The following CHD1 variants were observed in gnomAD, a reference collection of about 807,000 sequenced individuals.
CHD1 encodes the protein chromodomain helicase DNA binding protein 1, also known as ATP-dependent chromatin remodeler CHD1.
In CHD1, 36 loss-of-function variants were observed where a neutral mutation model predicts 224.2. The observed-to-expected ratio is 0.16, with a 90% CI of 0.12 to 0.21. The LOEUF (loss-of-function observed/expected upper bound fraction) is 0.21, where lower values mean the gene tolerates loss of function less well. Among genes scored for constraint, CHD1 ranks in the 10% least tolerant of loss-of-function variants. CHD1 has a pLI of 1.00. For synonymous variants in CHD1, 668 were observed against 658.3 expected, an observed-to-expected ratio of 1.01 and a Z score of -0.23; for missense variants, 1,378 against 1,994.8, an observed-to-expected ratio of 0.69 and a Z score of 5.89.
chr5:98,911,176 T>TATATATATATATAG (rs1561540185), intron 2 of CHD1, among the ~76,000 whole-genome samples: 4 of 122,974 alleles, frequency 3.3e-5, no homozygotes, highest in African/African-American at 6.3e-5. Flanking sequence ...TATATATATA[T>TATATATATATATAG]AGAGGCATGT....
intron 23 of CHD1, 28 bp from the exon 24 acceptor site, chr5:98,876,586 T>A (rs377514423): frequency 1.1e-5 from 17 of 1,603,214 alleles, no homozygotes; most frequent in Admixed American, 5.0e-5. Context: ...TTACCCAACC[T>A]TAGTGTAAAA....
At chr5:98,871,388 A>G in intron 28 of CHD1, among the ~76,000 whole-genome samples, 1 of 136,430 alleles carries the variant, frequency 7.3e-6, no homozygotes, top group Admixed American at 7.4e-5. Flanking sequence ...AAAAAAAAAA[A>G]AAAAAAAAAA....
chr5:98,899,006 A>G (rs778835458), intron 8 of CHD1, among the ~76,000 whole-genome samples: 20 of 152,224 alleles, frequency 1.3e-4, no homozygotes, highest in Non-Finnish European at 2.5e-4. Flanking sequence ...TTAGATAGGT[A>G]TACCTCTAGG....
In CHD1 at chr5:98,897,222, A is replaced by C; in HGVS notation, c.1464T>G (p.Gly488=). The C allele has an allele frequency of 1.2e-6, 2 of 1,611,980 alleles. No homozygotes were observed. Among genetic ancestry groups the C allele is most frequent in the Non-Finnish European group, 1.7e-6 (2 of 1,179,108 alleles). ...GLELRDYQLN[G]LNWLAHSWCK... ...ACCAAGAATGAGCAAGCCAATTTAA[A>C]CCATTCAGTTGATAATCTCTTAATT... is the stretch of plus-strand genomic sequence containing the variant. The change falls in exon 11 of 36, where the codon GGT becomes GGG. Residue 488 remains glycine, a synonymous_variant. Coordinates refer to ENST00000614616, the MANE Select transcript of CHD1 (RefSeq NM_001270.4).
chr5:98,900,699 G>T (rs1338832293), intron 7 of CHD1, 112 bp downstream of exon 7: 2 of 902,076 alleles, frequency 2.2e-6, no homozygotes, highest in Admixed American at 5.6e-5. Context: ...TGATCCATCG[G>T]CCTCGGCCCC....
intron 33 of CHD1, among the ~76,000 whole-genome samples, chr5:98,859,325 C>G (rs1748292056): frequency 6.6e-6 from 1 of 152,074 alleles, no homozygotes; most frequent in Non-Finnish European, 1.5e-5. Flanking sequence ...GTATAATGAT[C>G]AAAACCAAAT....
intron 4 of CHD1, 35 bp downstream of exon 4, chr5:98,903,757 C>A: frequency 7.2e-7 from 1 of 1,387,500 alleles, no homozygotes. Flanking sequence ...GCAGCATGTC[C>A]ACTTTTAAAA....
chr5:98,900,905 T>C lies in CHD1; in HGVS notation c.765A>G (p.Leu255=), dbSNP rs141855320. ...GAACATCCTCTCCACAGACTTCCAG[T>C]AGGTCATCAGAATCTGTTTTCATTT... The part of the protein sequence containing the change: ...DEEMKTDSDD[L]LEVCGEDVPQ... Residue 255 remains leucine, a synonymous_variant, in exon 7 of 36, where the codon CTA becomes CTG. Coordinates refer to ENST00000614616, the MANE Select transcript of CHD1 (RefSeq NM_001270.4). The C allele has an allele frequency of 1.5e-5, 25 of 1,614,036 alleles. No individual in the cohort carries two copies. Among genetic ancestry groups the C allele is most frequent in the Non-Finnish European group, 2.1e-5 (25 of 1,179,894 alleles).
chr5:98,928,473 C>G (rs970963924), intron 1 of CHD1, 66 bp downstream of exon 1: 1 of 153,242 alleles, frequency 6.5e-6, no homozygotes, highest in Admixed American at 6.5e-5. Context: ...GCCGCGCCCG[C>G]CCTCCGCCCG....
At chr5:98,896,467 A>T (rs1409841733) in intron 11 of CHD1, 25 bp from the exon 12 acceptor site, 1 of 1,505,696 alleles carries the variant, frequency 6.6e-7, no homozygotes, top group Non-Finnish European at 9.2e-7. Context: ...AAAAATTAGC[A>T]TGCAAGGAAA....
At chr5:98,873,332 C>G (rs909602868) in intron 26 of CHD1, among the ~76,000 whole-genome samples, 2 of 151,966 alleles carry the variant, frequency 1.3e-5, no homozygotes, top group Admixed American at 1.3e-4. Flanking sequence ...TATGAATGTA[C>G]ATATGTGTGT....
At chr5:98,872,311 CCTTT>C in intron 27 of CHD1, 102 bp downstream of exon 27, 1 of 1,461,740 alleles carries the variant, frequency 6.8e-7, no homozygotes, top group South Asian at 1.3e-5. Context: ...TTTATTTCTT[CCTTT>C]TTTTTTTCAA....
chr5:98,928,802 G>C lies in CHD1; in HGVS notation c.-412C>G, dbSNP rs894628317. On this transcript the variant is annotated 5_prime_UTR_variant, in exon 1 of 36. Transcript: ENST00000614616. The stretch of plus-strand genomic sequence containing the variant: ...GGGCAGCAAGAGCTATAAGTAACCA[G>C]TCGTCGCCGCCGCCGCCGCCGCCGT... 3.1e-5 allele frequency: 5 copies of C among 158,794 alleles called. No homozygotes were observed. Among genetic ancestry groups the C allele is most frequent in the African/African-American group, 1.2e-4 (5 of 40,740 alleles). 9.8% of individuals were successfully genotyped at this position (158,794 alleles called of 1,614,324 possible). A position where few individuals can be genotyped will look rare whatever the true frequency, so the allele number is the denominator to read the frequency against.
At chr5:98,860,261 T>TAA (rs1748366360) in intron 32 of CHD1, 193 bp from the exon 33 acceptor site, 1 of 557,104 alleles carries the variant, frequency 1.8e-6, no homozygotes, top group African/African-American at 1.9e-5. Flanking sequence ...CCAGTGAAAC[T>TAA]AAACATTAAA....
At chr5:98,858,922 A>T (rs1041089174) in intron 34 of CHD1, 42 bp downstream of exon 34, 975 of 1,399,954 alleles carry the variant, frequency 7.0e-4, no homozygotes, top group Non-Finnish European at 8.2e-4. Context: ...TTTAAAAAAA[A>T]TTTTTTTTAA....
chr5:98,879,187 T>C (rs529611299), intron 23 of CHD1, among the ~76,000 whole-genome samples: 1 of 152,194 alleles, frequency 6.6e-6, no homozygotes, highest in Non-Finnish European at 1.5e-5. Flanking sequence ...TGAGCCAGAA[T>C]TGTGCCACTG....
At chr5:98,892,804 A>G in intron 14 of CHD1, 91 bp from the exon 15 acceptor site, 1 of 724,772 alleles carries the variant, frequency 1.4e-6, no homozygotes, top group Non-Finnish European at 2.1e-6. Flanking sequence ...AGTCATTTAT[A>G]AACAAAATAC....
chr5:98,901,097 A>C lies in CHD1; in HGVS notation c.588-15T>G. 1 of 1,569,122 alleles carries C rather than the reference A, an allele frequency of 6.4e-7. No homozygotes were observed. The highest frequency in any genetic ancestry group is 2.2e-5 in the East Asian group (1 of 44,640). On this transcript the variant is annotated splice_polypyrimidine_tract_variant and intron_variant, in intron 6 of 35. Coordinates refer to ENST00000614616, the MANE Select transcript of CHD1 (RefSeq NM_001270.4). ...TTGACTTAGATCTAGGAAAGTGCAA[A>C]GAGAAAAAAAAACAAGATTTGAGAA...
At chr5:98,922,191 T>C (rs769058135) in intron 2 of CHD1, among the ~76,000 whole-genome samples, 2 of 152,042 alleles carry the variant, frequency 1.3e-5, no homozygotes, top group African/African-American at 4.8e-5. Context: ...AAAAAAAGTC[T>C]ACCAGGATTT....
Sources: allele counts gnomAD v4.1 joint callset (sites outside exome capture counted in the v4.1 genomes callset), GRCh38; gene constraint gnomAD v4.1.1; transcripts MANE v1.5; gene names NCBI Gene and HGNC (gene_info 2026-07-23, HGNC 2026-07-21).